The following CDIN1 variants were observed in gnomAD, a reference collection of about 807,000 sequenced individuals.
The protein encoded by CDIN1 is CDAN1 interacting nuclease 1.
Under a neutral mutation model 45.3 loss-of-function variants are expected in CDIN1, and 33 were observed. The observed-to-expected ratio is 0.73, with a 90% confidence interval of 0.55 to 0.97. The LOEUF (loss-of-function observed/expected upper bound fraction) is 0.97, where lower values mean the gene tolerates loss of function less well. Among genes scored for constraint, CDIN1 ranks in the 50% least tolerant of loss-of-function variants. The pLI, the probability that CDIN1 is intolerant of heterozygous loss-of-function variation, is 0.00. For synonymous variants in CDIN1, 118 were observed against 124.4 expected (o/e 0.95, Z 0.34); for missense variants, 303 against 339.4 (o/e 0.89, Z 0.84).
At chr15:36,654,366 A>G (rs1000415291) in intron 4 of CDIN1, among the ~76,000 whole-genome samples, 16 of 152,150 alleles carry the variant, frequency 1.1e-4, no homozygotes, top group Admixed American at 5.9e-4. Flanking sequence ...TAATTAGTCT[A>G]CTTCTTTTAA....
intron 10 of CDIN1, among the ~76,000 whole-genome samples, chr15:36,757,981 C>A (rs764524097): frequency 6.6e-6 from 1 of 151,964 alleles, no homozygotes; most frequent in Non-Finnish European, 1.5e-5. Flanking sequence ...TATTGTTACT[C>A]TCTTATATGC....
chr15:36,771,164 T>C (rs886103382), intron 10 of CDIN1, among the ~76,000 whole-genome samples: 37 of 152,140 alleles, frequency 2.4e-4, no homozygotes, highest in African/African-American at 7.5e-4. Flanking sequence ...TTAAGATTTT[T>C]ATATTTTATA....
At chr15:36,592,353 GTACAAC>G (rs2037619065) in intron 1 of CDIN1, among the ~76,000 whole-genome samples, 3 of 152,124 alleles carry the variant, frequency 2.0e-5, no homozygotes, top group Admixed American at 2.0e-4. Flanking sequence ...TTGGCAAATG[GTACAAC>G]CTGGGCTTGC....
At chr15:36,644,348 G>T in intron 2 of CDIN1, 25 bp downstream of exon 2, 1 of 1,604,032 alleles carries the variant, frequency 6.2e-7, no homozygotes, top group Non-Finnish European at 8.5e-7. Context: ...CCTTTGTGAG[G>T]GTTGACAGGT....
intron 5 of CDIN1, among the ~76,000 whole-genome samples, chr15:36,679,677 G>T (rs1295919824): frequency 6.6e-6 from 1 of 152,154 alleles, no homozygotes; most frequent in Non-Finnish European, 1.5e-5. Context: ...TGACTTTCAA[G>T]TCTAGATCAT....
At chr15:36,715,230 G>A (rs2043181325) in intron 10 of CDIN1, among the ~76,000 whole-genome samples, 1 of 152,172 alleles carries the variant, frequency 6.6e-6, no homozygotes, top group African/African-American at 2.4e-5. Flanking sequence ...GCTCCAGAGA[G>A]TCTACTCTCC....
intron 1 of CDIN1, chr15:36,641,889 T>C (rs7169258): frequency 0.99 from 151,516 of 152,360 alleles, 75,344 homozygotes; most frequent in Middle Eastern, 1. Context: ...CTGTGATGTT[T>C]AAGGTAGACC....
intron 10 of CDIN1, among the ~76,000 whole-genome samples, chr15:36,722,790 T>C (rs2140885471): frequency 6.6e-6 from 1 of 152,322 alleles, no homozygotes; most frequent in East Asian, 1.9e-4. Context: ...AATTCGCATG[T>C]CTCGTACTCT....
At chr15:36,715,658 C>T (rs1342118804) in intron 10 of CDIN1, among the ~76,000 whole-genome samples, 1 of 152,188 alleles carries the variant, frequency 6.6e-6, no homozygotes, top group Non-Finnish European at 1.5e-5. Context: ...TAACAAGTGA[C>T]AGATTGACTA....
intron 1 of CDIN1, among the ~76,000 whole-genome samples, chr15:36,602,259 C>T (rs1249917057): frequency 2.6e-5 from 4 of 152,242 alleles, no homozygotes; most frequent in Non-Finnish European, 5.9e-5. Context: ...AATAACCAAA[C>T]TTTTATTTTC....
At chr15:36,624,950 A>G (rs1418008858) in intron 1 of CDIN1, among the ~76,000 whole-genome samples, 1 of 152,188 alleles carries the variant, frequency 6.6e-6, no homozygotes, top group Non-Finnish European at 1.5e-5. Context: ...ATTTTTGTGC[A>G]GAAAAAGAAT....
chr15:36,606,162 G>T (rs1261998124), intron 1 of CDIN1, among the ~76,000 whole-genome samples: 2 of 151,994 alleles, frequency 1.3e-5, no homozygotes, highest in Non-Finnish European at 2.9e-5. Flanking sequence ...CACGCATTGT[G>T]TAGTGTTACA....
chr15:36,704,028 T>A (rs1284305757), intron 8 of CDIN1, among the ~76,000 whole-genome samples: 1 of 152,182 alleles, frequency 6.6e-6, no homozygotes, highest in Non-Finnish European at 1.5e-5. Flanking sequence ...TATTCTACTA[T>A]GTTGATTTGT....
chr15:36,601,838 A>G (rs2038121227), intron 1 of CDIN1, among the ~76,000 whole-genome samples: 1 of 152,332 alleles, frequency 6.6e-6, no homozygotes, highest in South Asian at 2.1e-4. Context: ...AATAGACAGC[A>G]GTGCTGATTG....
intron 10 of CDIN1, among the ~76,000 whole-genome samples, chr15:36,726,943 T>C (rs1377343454): frequency 6.6e-6 from 1 of 152,198 alleles, no homozygotes; most frequent in African/African-American, 2.4e-5. Context: ...CCCAATTGTT[T>C]CTAATATAAT....
intron 10 of CDIN1, among the ~76,000 whole-genome samples, chr15:36,745,790 AC>A (rs2044400951): frequency 6.6e-6 from 1 of 152,066 alleles, no homozygotes; most frequent in Non-Finnish European, 1.5e-5. Context: ...ACATGGTGAA[AC>A]CCTGTCTCTA....
intron 5 of CDIN1, among the ~76,000 whole-genome samples, chr15:36,662,898 T>G (rs548975023): frequency 6.9e-6 from 1 of 145,760 alleles, no homozygotes; most frequent in Admixed American, 7.0e-5. Flanking sequence ...TTCATTATAC[T>G]TACTGGATGA....
chr15:36,800,907 G>GTGTGTGTA (rs2055012083), intron 10 of CDIN1, among the ~76,000 whole-genome samples: 1 of 31,618 alleles, frequency 3.2e-5, no homozygotes, highest in African/African-American at 8.8e-5. Flanking sequence ...GTGTGTGTGT[G>GTGTGTGTA]TGTATATATA....
intron 10 of CDIN1, among the ~76,000 whole-genome samples, chr15:36,762,388 G>T (rs2053789710): frequency 6.6e-6 from 1 of 152,110 alleles, no homozygotes; most frequent in East Asian, 1.9e-4. Context: ...TATAAAAATG[G>T]CTATTCTGTT....
Sources: gnomAD v4.1 joint callset for allele counts (sites outside exome capture counted in the v4.1 genomes callset) on GRCh38, gnomAD v4.1.1 for gene constraint, MANE v1.5 for transcripts, NCBI Gene and HGNC (gene_info 2026-07-23, HGNC 2026-07-21) for gene names.